CYTH1: variants seen among roughly 807,000 people sequenced by gnomAD.
The protein encoded by CYTH1 is cytohesin 1, also known as cytohesin-1.
In CYTH1, 18 loss-of-function variants were observed where a neutral mutation model predicts 61.8. That is an observed-to-expected ratio of 0.29 (90% CI 0.20 to 0.43). The LOEUF is 0.43. CYTH1 is among the 20% of genes least tolerant of loss of function. CYTH1 has a pLI of 1.00. For missense variants in CYTH1, 336 were observed against 510.5 expected, an observed-to-expected ratio of 0.66 and a Z score of 3.29; for synonymous variants, 174 against 184.3, an observed-to-expected ratio of 0.94 and a Z score of 0.45.
intron 1 of CYTH1, chr17:78,716,928 C>T (rs2093185704): frequency 6.6e-6 from 1 of 152,324 alleles, no homozygotes; most frequent in Non-Finnish European, 1.5e-5. Flanking sequence ...CCCATGTCTA[C>T]CTCACAGCCC....
intron 1 of CYTH1, among the ~76,000 whole-genome samples, chr17:78,744,880 C>T (rs896159448): frequency 6.6e-6 from 1 of 150,866 alleles, no homozygotes; most frequent in Non-Finnish European, 1.5e-5. Flanking sequence ...TAAACCATAT[C>T]CTTTGTTTTA....
intron 13 of CYTH1, among the ~76,000 whole-genome samples, chr17:78,678,657 T>C (rs1215213605): frequency 1.3e-5 from 2 of 152,160 alleles, no homozygotes; most frequent in African/African-American, 4.8e-5. Context: ...GTGCCATTAC[T>C]GGTAGGGGAC....
At position 78,701,109 on chromosome 17, in the gene CYTH1, T is replaced by C. The variant is rs145816268; in HGVS notation, c.437+562A>G. On this transcript the variant is annotated intron_variant, in intron 6 of 13. Coordinates refer to ENST00000446868, the MANE Select transcript of CYTH1 (RefSeq NM_004762.6). ...ATATGGGTGGCAGAAAAAGAGAAGA[T>C]TGTCTTGTCAAAGCATTAACAATCG... Among the ~76,000 whole-genome samples the C allele has an allele frequency of 3.2e-3, 488 of 152,250 alleles. 4 individuals carry two copies. The highest frequency in any genetic ancestry group is 0.01 in the African/African-American group (436 of 41,540).
intron 1 of CYTH1, among the ~76,000 whole-genome samples, chr17:78,712,191 GAGAA>G (rs1409015395): frequency 2.0e-5 from 3 of 150,670 alleles, no homozygotes; most frequent in Non-Finnish European, 4.4e-5. Context: ...GTAGGAGAGA[GAGAA>G]AGAGAGAGAG....
At chr17:78,712,910 C>T (rs915577605) in intron 1 of CYTH1, among the ~76,000 whole-genome samples, 3 of 151,640 alleles carry the variant, frequency 2.0e-5, no homozygotes, top group South Asian at 4.2e-4. Context: ...TATTGGAGGA[C>T]GGAGCCTTAA....
chr17:78,685,390 A>G (rs1183768427), intron 11 of CYTH1, among the ~76,000 whole-genome samples: 1 of 152,036 alleles, frequency 6.6e-6, no homozygotes, highest in Admixed American at 6.6e-5. Context: ...TATAACATTC[A>G]TGGTACGTCC....
chr17:78,731,593 A>C (rs1003183263), intron 1 of CYTH1, among the ~76,000 whole-genome samples: 4 of 152,066 alleles, frequency 2.6e-5, no homozygotes, highest in African/African-American at 9.7e-5. Context: ...CCCCGTCTCT[A>C]CTAAAAATAC....
intron 3 of CYTH1, 72 bp downstream of exon 3, chr17:78,708,125 A>G (rs2093088306): frequency 4.8e-6 from 7 of 1,472,406 alleles, no homozygotes; most frequent in Non-Finnish European, 6.6e-6. Context: ...TGTGCCACGT[A>G]AGCATAATTA....
In CYTH1 at chr17:78,675,861, A is replaced by G; in HGVS notation, c.*230T>C. 1 of 1,458,568 alleles carries G rather than the reference A, an allele frequency of 6.9e-7. No homozygotes were observed. Among genetic ancestry groups the G allele is most frequent in the Non-Finnish European group, 9.1e-7 (1 of 1,104,146 alleles). 90.4% of individuals were successfully genotyped at this position (1,458,568 alleles called of 1,614,324 possible). A position where few individuals can be genotyped will look rare whatever the true frequency, so the allele number is the denominator to read the frequency against. ...CGACAAGAGCTCTGCCCTGTGAGAGAGGAAGGCTCTGGAGCCCATGCTGGA... is the reference window on the plus strand; with the variant it reads ...CGACAAGAGCTCTGCCCTGTGAGAGGGGAAGGCTCTGGAGCCCATGCTGGA... On this transcript the variant is annotated 3_prime_UTR_variant, in exon 14 of 14. Transcript: ENST00000446868.
intron 1 of CYTH1, among the ~76,000 whole-genome samples, chr17:78,731,699 A>G (rs2093295220): frequency 6.9e-6 from 1 of 145,526 alleles, no homozygotes; most frequent in African/African-American, 2.5e-5. Flanking sequence ...CGAAGCTTGC[A>G]GTGAGCTGAG....
intron 11 of CYTH1, among the ~76,000 whole-genome samples, chr17:78,687,995 A>G (rs2092834273): frequency 6.6e-6 from 1 of 152,230 alleles, no homozygotes; most frequent in Non-Finnish European, 1.5e-5. Context: ...CGAGGGCTGC[A>G]TGAACAGACC....
Position 78,702,129 on chromosome 17 carries a change from C to A in CYTH1, c.349G>T (p.Gly117Trp). Residue 117 changes from glycine (G) to tryptophan (W), a missense_variant, in exon 5 of 14, where the codon GGG becomes TGG. Transcript: ENST00000446868. Reference protein sequence around the residue: ...LNKTAIGDYLGERDEFNIQVL... With the variant: ...LNKTAIGDYLWERDEFNIQVL... The stretch of plus-strand genomic sequence containing the variant: ...TAATCCCCAAGGCCTTACCTCTCCC[C>A]TAGGTAGTCGCCGATGGCTGTCTTG... 6.2e-7 allele frequency: 1 copy of A among 1,613,496 alleles called. No individual in the cohort carries two copies. Among genetic ancestry groups the A allele is most frequent in the Non-Finnish European group, 8.5e-7 (1 of 1,179,424 alleles).
At chr17:78,769,258 T>C (rs1253264246) in intron 1 of CYTH1, among the ~76,000 whole-genome samples, 1 of 151,316 alleles carries the variant, frequency 6.6e-6, no homozygotes, top group African/African-American at 2.4e-5. Flanking sequence ...AAGCCCCCCA[T>C]AACTGTCCCC....
intron 1 of CYTH1, among the ~76,000 whole-genome samples, chr17:78,781,937 C>T (rs967488809): frequency 2.0e-5 from 3 of 151,396 alleles, no homozygotes; most frequent in Non-Finnish European, 3.0e-5. Flanking sequence ...ACCGCGAGCC[C>T]GGCCTGTGAC....
In CYTH1 at chr17:78,760,384, T is replaced by TATATATATATATATATAC. The variant is rs751494741; in HGVS notation, c.22+21817_22+21818insGTATATATATATATATAT. ...ATATATATATATATATATATATATA[T>TATATATATATATATATAC]ACACACACATACATATATATATGTG... On this transcript the variant is annotated intron_variant, in intron 1 of 13. Coordinates refer to ENST00000446868, the MANE Select transcript of CYTH1 (RefSeq NM_004762.6). Among the ~76,000 whole-genome samples the TATATATATATATATATAC allele has an allele frequency of 3.1e-4, 16 of 51,398 alleles. 1 individual carries two copies. Among genetic ancestry groups the TATATATATATATATATAC allele is most frequent in the African/African-American group, 6.3e-4 (8 of 12,602 alleles). 33.7% of individuals were successfully genotyped at this position (51,398 alleles called of 152,430 possible).
At chr17:78,696,251 C>T (rs1259481440) in intron 9 of CYTH1, among the ~76,000 whole-genome samples, 1 of 152,236 alleles carries the variant, frequency 6.6e-6, no homozygotes, top group Admixed American at 6.5e-5. Flanking sequence ...CTCATCAAGG[C>T]AAGATTTGAG....
At chr17:78,721,664 CT>C (rs1338664401) in intron 1 of CYTH1, among the ~76,000 whole-genome samples, 1 of 152,230 alleles carries the variant, frequency 6.6e-6, no homozygotes, top group Admixed American at 6.5e-5. Flanking sequence ...ACTTTGTGAC[CT>C]GGAGCAAACA....
At chr17:78,693,689 A>G (rs1294056808) in intron 10 of CYTH1, among the ~76,000 whole-genome samples, 3 of 151,942 alleles carry the variant, frequency 2.0e-5, no homozygotes, top group Non-Finnish European at 2.9e-5. Flanking sequence ...GCTGAGACAG[A>G]CATGAAGGAA....
intron 1 of CYTH1, among the ~76,000 whole-genome samples, chr17:78,749,975 T>A (rs531417215): frequency 1.3e-5 from 2 of 152,292 alleles, no homozygotes; most frequent in Non-Finnish European, 2.9e-5. Flanking sequence ...CCACAAAATA[T>A]TTCTTAGCCT....
Sources: allele counts gnomAD v4.1 joint callset (sites outside exome capture counted in the v4.1 genomes callset), GRCh38; gene constraint gnomAD v4.1.1; transcripts MANE v1.5; gene names NCBI Gene and HGNC (gene_info 2026-07-23, HGNC 2026-07-21).